Variants in SBF2 observed in about 807,000 individuals in gnomAD.
SBF2 encodes the protein myotubularin-related protein 13.
Under a neutral mutation model 225.2 loss-of-function variants are expected in SBF2, and 112 were observed. That is an observed-to-expected ratio of 0.50 (90% CI 0.43 to 0.58). SBF2 has a LOEUF of 0.58. Among genes scored for constraint, SBF2 ranks in the 20% least tolerant of loss-of-function variants. SBF2 has a pLI of 0.00. For synonymous variants in SBF2, 763 were observed against 773.3 expected (o/e 0.99, Z 0.22); for missense variants, 1,996 against 2,206.2 (o/e 0.90, Z 1.91).
intron 16 of SBF2, among the ~76,000 whole-genome samples, chr11:9,917,894 ACT>A (rs1302484873): frequency 6.6e-6 from 1 of 151,238 alleles, no homozygotes; most frequent in East Asian, 1.9e-4. Context: ...GGCCTCCGAC[ACT>A]CACCCTTAAG....
At position 9,975,677 on chromosome 11, in the gene SBF2, T is replaced by C. The variant is rs917863977; in HGVS notation, c.1396-7132A>G. 2.6e-5 allele frequency among the ~76,000 whole-genome samples: 4 copies of C among 152,080 alleles called. No homozygotes were observed. In the East Asian group the frequency reaches 5.8e-4, roughly 22 times the overall value. On this transcript the variant is annotated intron_variant, in intron 13 of 39. Transcript: ENST00000256190. ...CTTATAAGTGAACAAAGAAATCAGA[T>C]AGGACGGGAGGGGGGTTCAATTTGA...
chr11:10,046,197 C>A (rs1256092497), intron 2 of SBF2, among the ~76,000 whole-genome samples: 1 of 152,108 alleles, frequency 6.6e-6, no homozygotes, highest in Non-Finnish European at 1.5e-5. Context: ...CAATCCCCTG[C>A]AGATTCCAAA....
At chr11:10,167,140 T>C (rs1042236035) in intron 2 of SBF2, among the ~76,000 whole-genome samples, 7 of 152,196 alleles carry the variant, frequency 4.6e-5, no homozygotes, top group East Asian at 1.9e-4. Flanking sequence ...TGTCCTTCTA[T>C]AAAATACAAA....
At chr11:9,780,601 C>T (rs1554897509) in intron 39 of SBF2, 85 bp from the exon 40 acceptor site, 1 of 1,062,496 alleles carries the variant, frequency 9.4e-7, no homozygotes, top group South Asian at 1.3e-5. Context: ...GTTCCTGTGA[C>T]CTTTCTTTTC....
At chr11:10,254,608 TA>T (rs577267923) in intron 1 of SBF2, among the ~76,000 whole-genome samples, 370 of 142,762 alleles carry the variant, frequency 2.6e-3, no homozygotes, top group African/African-American at 4.2e-3. Context: ...ATTCAGCCTT[TA>T]AAAAAAAAAA....
chr11:9,844,146 C>G (rs1204243514), intron 24 of SBF2, among the ~76,000 whole-genome samples: 1 of 152,164 alleles, frequency 6.6e-6, no homozygotes, highest in Non-Finnish European at 1.5e-5. Flanking sequence ...CCTCTCCGAC[C>G]CTATGGTGCT....
intron 1 of SBF2, among the ~76,000 whole-genome samples, chr11:10,227,295 T>G (rs1958614888): frequency 6.6e-6 from 1 of 152,246 alleles, no homozygotes; most frequent in Admixed American, 6.5e-5. Context: ...GATGGTAGTT[T>G]CTTTTGCTGT....
At chr11:9,851,353 G>A (rs1856939627) in intron 21 of SBF2, among the ~76,000 whole-genome samples, 1 of 152,074 alleles carries the variant, frequency 6.6e-6, no homozygotes, top group African/African-American at 2.4e-5. Flanking sequence ...TTTCTACAAT[G>A]TGTATTTCTT....
chr11:9,910,114 GAAAAAGACTAAT>G (rs1173770381), intron 16 of SBF2, among the ~76,000 whole-genome samples: 1 of 152,134 alleles, frequency 6.6e-6, no homozygotes, highest in Non-Finnish European at 1.5e-5. Flanking sequence ...CAGTCACCGA[GAAAAAGACTAAT>G]AAATTCAACT....
chr11:10,218,960 T>C (rs1385203752), intron 1 of SBF2, among the ~76,000 whole-genome samples: 2 of 152,166 alleles, frequency 1.3e-5, no homozygotes. Context: ...CTATTGAGTG[T>C]CTGTGGCTTT....
At chr11:9,932,957 CAAAAAAAAAAAAAAAAAA>C (rs574177096) in intron 16 of SBF2, among the ~76,000 whole-genome samples, 8 of 58,744 alleles carry the variant, frequency 1.4e-4, no homozygotes, top group African/African-American at 4.4e-4. Flanking sequence ...AAACGAAAAG[CAAAAAAAAAAAAAAAAAA>C]AAAAAAAAAA....
intron 28 of SBF2, among the ~76,000 whole-genome samples, chr11:9,827,327 A>G (rs2133928335): frequency 6.6e-6 from 1 of 152,270 alleles, no homozygotes; most frequent in East Asian, 1.9e-4. Context: ...CAGGAGTTCA[A>G]GACCAGCCTG....
chr11:9,893,594 T>G (rs1861009252), intron 17 of SBF2, among the ~76,000 whole-genome samples: 1 of 152,202 alleles, frequency 6.6e-6, no homozygotes, highest in South Asian at 2.1e-4. Context: ...CTATAAAGTT[T>G]CAGTGGTACC....
At chr11:10,037,979 CTCA>C (rs1949510456) in intron 3 of SBF2, among the ~76,000 whole-genome samples, 1 of 151,986 alleles carries the variant, frequency 6.6e-6, no homozygotes, top group African/African-American at 2.4e-5. Flanking sequence ...TCTCAAATAG[CTCA>C]TCAACTGTTT....
At chr11:10,259,218 T>C (rs769796807) in intron 1 of SBF2, among the ~76,000 whole-genome samples, 1 of 152,312 alleles carries the variant, frequency 6.6e-6, no homozygotes, top group South Asian at 2.1e-4. Flanking sequence ...GTTGTAGAGT[T>C]AGAATACTTG....
intron 1 of SBF2, among the ~76,000 whole-genome samples, chr11:10,264,862 G>T (rs1961817478): frequency 6.6e-6 from 1 of 151,426 alleles, no homozygotes; most frequent in African/African-American, 2.4e-5. Flanking sequence ...AGGATAGTTT[G>T]CTGAGAATGG....
At chr11:10,300,791 A>G (rs1013011523) in intron 1 of SBF2, among the ~76,000 whole-genome samples, 4 of 147,980 alleles carry the variant, frequency 2.7e-5, no homozygotes, top group Admixed American at 1.3e-4. Context: ...TAGGTTTACT[A>G]CTTTCTCTTC....
intron 16 of SBF2, among the ~76,000 whole-genome samples, chr11:9,908,696 C>CTGTTGTTGCTGTTGT (rs1862320489): frequency 6.6e-6 from 1 of 151,282 alleles, no homozygotes; most frequent in African/African-American, 2.4e-5. Context: ...CTTGTTGTTG[C>CTGTTGTTGCTGTTGT]TGTTGTTGTT....
At chr11:10,037,778 G>C (rs1949502731) in intron 3 of SBF2, among the ~76,000 whole-genome samples, 1 of 151,702 alleles carries the variant, frequency 6.6e-6, no homozygotes, top group African/African-American at 2.4e-5. Flanking sequence ...GGTGGGGGTG[G>C]GGGAGTACCA....
Sources: allele counts gnomAD v4.1 joint callset (sites outside exome capture counted in the v4.1 genomes callset), GRCh38; gene constraint gnomAD v4.1.1; transcripts MANE v1.5; gene names NCBI Gene and HGNC (gene_info 2026-07-23, HGNC 2026-07-21).